INSRR: variants seen among roughly 807,000 people sequenced by gnomAD.
INSRR encodes insulin receptor-related protein.
In INSRR, 114 loss-of-function variants were observed where a neutral mutation model predicts 130.0. The ratio of observed to expected loss-of-function variants is 0.88; its 90% CI spans 0.75 to 1.02. INSRR has a LOEUF of 1.02. Among genes scored for constraint, INSRR ranks in the 50% least tolerant of loss-of-function variants. The pLI is 0.00. For synonymous variants in INSRR, 674 were observed against 705.2 expected (o/e 0.96, Z 0.70); for missense variants, 1,657 against 1,735.2 (o/e 0.95, Z 0.80).
At chr1:156,841,866 A>G in intron 19 of INSRR, 72 bp from the exon 20 acceptor site, 1 of 1,610,614 alleles carries the variant, frequency 6.2e-7, no homozygotes, top group Non-Finnish European at 8.5e-7. Flanking sequence ...CCCCTGGGAT[A>G]CCTCTCCCAA....
In INSRR at chr1:156,846,796, C is replaced by A. The variant is rs745445400; in HGVS notation, c.1572-39G>T. 1.9e-6 allele frequency: 3 copies of A among 1,545,220 alleles called. No homozygotes were observed. The South Asian group carries it at 3.4e-5, about 17-fold the overall frequency. On this transcript the variant is annotated intron_variant, in intron 7 of 21. Transcript: ENST00000368195. ...CCCAGAGCTGAGGGGTCATTCAACC[C>A]CACCCTCAAGTTCTGGCACCCCCGC... is the stretch of plus-strand genomic sequence containing the variant.
At chr1:156,842,351 C>G in intron 18 of INSRR, 47 bp downstream of exon 18, 1 of 1,612,938 alleles carries the variant, frequency 6.2e-7, no homozygotes, top group Non-Finnish European at 8.5e-7. Context: ...ACCTCCCACA[C>G]TGTGCCCAAC....
At position 156,843,173 on chromosome 1, in the gene INSRR, C is replaced by G; in HGVS notation, c.2957G>C (p.Gly986Ala). The change falls in exon 17 of 22, where the codon GGC (glycine) becomes GCC (alanine). Residue 986 changes from glycine (G) to alanine (A), a missense_variant. Transcript: ENST00000368195. ...REQISIIREL[G>A]QGSFGMVYEG... is the part of the protein sequence containing the mutation. The stretch of plus-strand genomic sequence containing the variant: ...ATATACCATCCCAAAAGAGCCCTGG[C>G]CCAGTTCCCGGATTATCGAGATCTG... The G allele has an allele frequency of 6.2e-7, 1 of 1,614,118 alleles. No homozygotes were observed. Among genetic ancestry groups the G allele is most frequent in the African/African-American group, 1.3e-5 (1 of 75,032 alleles).
In INSRR at chr1:156,858,830, T is replaced by G. The variant is rs1655503668; in HGVS notation, c.-209A>C. On this transcript the variant is annotated 5_prime_UTR_variant, in exon 1 of 22. Coordinates refer to ENST00000368195, the MANE Select transcript of INSRR (RefSeq NM_014215.3). Reference sequence around the variant, plus strand: ...GAGACACAAAGACAGTGACAGGCAGTTGGAGACAGAGAGACTCAGCATGAG... The same window carrying G: ...GAGACACAAAGACAGTGACAGGCAGGTGGAGACAGAGAGACTCAGCATGAG... 1 of 592,730 alleles carries G rather than the reference T, an allele frequency of 1.7e-6. No homozygotes were observed. The highest frequency in any genetic ancestry group is 1.9e-5 in the African/African-American group (1 of 53,732). The allele number at this position is 592,730 out of a possible 1,614,324, so 36.7% of individuals were successfully genotyped here.
chr1:156,844,318 T>C (rs775866668), intron 14 of INSRR, 38 bp from the exon 15 acceptor site: 3 of 1,582,456 alleles, frequency 1.9e-6, no homozygotes, highest in South Asian at 1.1e-5. Flanking sequence ...GAGTCAAAGA[T>C]GTAGAAGTCA....
rs1218417649 is a variant in INSRR, at chr1:156,849,326, C to G, written c.1364G>C (p.Arg455Pro). The G allele has an allele frequency of 1.9e-6, 3 of 1,613,758 alleles. No homozygotes were observed. In the Admixed American group the frequency reaches 5.0e-5, roughly 27 times the overall value. ...NPRLCLEHIY[R>P]LEEVTGTRGR... ...TCGCGTGCCTGTCACCTCCTCCAGT[C>G]GGTAGATGTGTTCCAAGCAGAGGCG... Residue 455 changes from arginine (R) to proline (P), a missense_variant, in exon 6 of 22, where the codon CGA becomes CCA. Transcript: ENST00000368195.
In INSRR at chr1:156,840,298, A is replaced by G. The variant is rs2644625; in HGVS notation, c.*575T>C. On this transcript the variant is annotated 3_prime_UTR_variant, in exon 22 of 22. Transcript: ENST00000368195. ...GCTTGGGGAGCCCTGGGCAGGGCAA[A>G]AGGAGAGGAGGAGGTGAGGGCGGGC... 0.86 allele frequency: 135,520 copies of G among 158,316 alleles called. 58,075 individuals are homozygous for G. The highest frequency in any genetic ancestry group is 0.89 in the Middle Eastern group (289 of 326). 9.8% of individuals were successfully genotyped at this position (158,316 alleles called of 1,614,324 possible). A position where few individuals can be genotyped will look rare whatever the true frequency, so the allele number is the denominator to read the frequency against.
intron 2 of INSRR, 141 bp from the exon 3 acceptor site, chr1:156,852,332 C>G: frequency 1.2e-6 from 1 of 812,804 alleles, no homozygotes; most frequent in South Asian, 2.0e-5. Flanking sequence ...CACTGGTTGC[C>G]GACTCTGTTC....
At chr1:156,847,614 C>T (rs141986324) in intron 7 of INSRR, among the ~76,000 whole-genome samples, 116 of 151,138 alleles carry the variant, frequency 7.7e-4, no homozygotes, top group African/African-American at 2.5e-3. Flanking sequence ...TGTGGCCCAG[C>T]GGGAAGTGCC....
chr1:156,841,836 G>C (rs759393495), intron 19 of INSRR, 42 bp from the exon 20 acceptor site: 1 of 1,614,034 alleles, frequency 6.2e-7, no homozygotes, highest in Non-Finnish European at 8.5e-7. Context: ...TGGGGCATAA[G>C]AGCCACGCAC....
At chr1:156,844,683 G>A (rs768482230) in intron 13 of INSRR, 24 bp downstream of exon 13, 6 of 1,614,120 alleles carry the variant, frequency 3.7e-6, no homozygotes, top group East Asian at 4.5e-5. Context: ...ACGGGGCTGG[G>A]ACGGGGGTCC....
In INSRR at chr1:156,848,338, C is replaced by T. The variant is rs563821940; in HGVS notation, c.1571+583G>A. Among the ~76,000 whole-genome samples, 32 of 152,330 alleles carry T rather than the reference C, an allele frequency of 2.1e-4. 1 individual carries two copies. In the South Asian group the frequency reaches 6.4e-3, roughly 31 times the overall value. On this transcript the variant is annotated intron_variant, in intron 7 of 21. Coordinates refer to ENST00000368195, the MANE Select transcript of INSRR (RefSeq NM_014215.3). Reference sequence around the variant, plus strand: ...GAGAGCATGAACTCCTTACTCCTGCCTTCCCAGCCTGCATCTGAAATCCAC... The same window carrying T: ...GAGAGCATGAACTCCTTACTCCTGCTTTCCCAGCCTGCATCTGAAATCCAC...
chr1:156,846,325 C>T (rs1044807808), intron 8 of INSRR, among the ~76,000 whole-genome samples, 194 bp downstream of exon 8: 7 of 152,222 alleles, frequency 4.6e-5, no homozygotes, highest in South Asian at 4.1e-4. Context: ...CTATTGACCC[C>T]GGACTGTCCC....
At chr1:156,846,912 G>C (rs1047135981) in intron 7 of INSRR, among the ~76,000 whole-genome samples, 155 bp from the exon 8 acceptor site, 1 of 152,178 alleles carries the variant, frequency 6.6e-6, no homozygotes, top group Admixed American at 6.5e-5. Context: ...GGCAAGGGGG[G>C]GCGGAGGAGG....
At position 156,848,906 on chromosome 1, in the gene INSRR, G is replaced by GC; in HGVS notation, c.1571+14dup. 6.8e-7 allele frequency: 1 copy of GC among 1,478,948 alleles called. No homozygotes were observed. Among genetic ancestry groups the GC allele is most frequent in the Non-Finnish European group, 9.1e-7 (1 of 1,094,178 alleles). 91.6% of individuals were successfully genotyped at this position (1,478,948 alleles called of 1,614,324 possible). A position where few individuals can be genotyped will look rare whatever the true frequency, so the allele number is the denominator to read the frequency against. On this transcript the variant is annotated intron_variant, in intron 7 of 21. Coordinates refer to ENST00000368195, the MANE Select transcript of INSRR (RefSeq NM_014215.3). ...CCGGTCCCGCCCCCGCTCCGGCCCC[G>GC]CCCCCGGCACTCACGACTCCTTGTA...
At chr1:156,855,519 A>T (rs1655378660) in intron 1 of INSRR, among the ~76,000 whole-genome samples, 1 of 152,230 alleles carries the variant, frequency 6.6e-6, no homozygotes, top group African/African-American at 2.4e-5. Flanking sequence ...CATCCTAGTT[A>T]AAATTGACTT....
Position 156,858,659 on chromosome 1 carries a change from T to G in INSRR, c.-38A>C. ...GGCTTGTGTCCAGTCCCGGCTCTCCTCCCGGTGACTCTGGGGAGAACGGTG... is the reference window on the plus strand; with the variant it reads ...GGCTTGTGTCCAGTCCCGGCTCTCCGCCCGGTGACTCTGGGGAGAACGGTG... On this transcript the variant is annotated 5_prime_UTR_variant, in exon 1 of 22. Transcript: ENST00000368195. The G allele has an allele frequency of 1.3e-6, 2 of 1,560,136 alleles. No homozygotes were observed. Among genetic ancestry groups the G allele is most frequent in the Non-Finnish European group, 1.8e-6 (2 of 1,131,056 alleles).
Position 156,845,734 on chromosome 1 carries a change from A to C in INSRR, c.2059T>G (p.Cys687Gly). The C allele has an allele frequency of 6.2e-7, 1 of 1,613,720 alleles. No homozygotes were observed. The highest frequency in any genetic ancestry group is 8.5e-7 in the Non-Finnish European group (1 of 1,179,916). Residue 687 changes from cysteine (C) to glycine (G), a missense_variant, in exon 10 of 22, where the codon TGC becomes GGC. Transcript: ENST00000368195. ...GDPEAEMESD[C>G]CPCQHPPPGQ... ...GGAGGTGGGTGCTGGCAAGGGCAGC[A>C]GTCGGACTCCATCTCGGCCTCAGGA...
chr1:156,852,059 G>C lies in INSRR; in HGVS notation c.770C>G (p.Ala257Gly), dbSNP rs540195536. ...GCCTGGCGGGCAGGCCCACAGGCAG[G>C]CACCCTGGAAGTAGAGGTGGCGGCA... ...VACRHLYFQG[A>G]CLWACPPGTY... The change falls in exon 3 of 22, where the codon GCC becomes GGC. Residue 257 changes from alanine to glycine, a missense_variant. Transcript: ENST00000368195. 1.9e-6 allele frequency: 3 copies of C among 1,613,588 alleles called. No homozygotes were observed. The highest frequency in any genetic ancestry group is 2.5e-6 in the Non-Finnish European group (3 of 1,179,964).
Sources: gnomAD v4.1 joint callset for allele counts (sites outside exome capture counted in the v4.1 genomes callset) on GRCh38, gnomAD v4.1.1 for gene constraint, MANE v1.5 for transcripts, NCBI Gene and HGNC (gene_info 2026-07-23, HGNC 2026-07-21) for gene names.